CNTN4: variants seen among roughly 807,000 people sequenced by gnomAD.
The protein encoded by CNTN4 is contactin-4.
Under a neutral mutation model 122.5 loss-of-function variants are expected in CNTN4, and 77 were observed. The ratio of observed to expected loss-of-function variants is 0.63; its 90% CI spans 0.52 to 0.76. The LOEUF (loss-of-function observed/expected upper bound fraction) is 0.76. Ranked by LOEUF, CNTN4 falls within the 30% of genes least tolerant of loss-of-function variation. The pLI is 0.00. For synonymous variants in CNTN4, 512 were observed against 447.0 expected (o/e 1.15, Z -1.83); for missense variants, 1,256 against 1,259.1 (o/e 1.00, Z 0.04).
intron 4 of CNTN4, among the ~76,000 whole-genome samples, chr3:2,714,195 T>A (rs1449496688): frequency 6.6e-6 from 1 of 152,138 alleles, no homozygotes; most frequent in Non-Finnish European, 1.5e-5. Context: ...CACAACAATT[T>A]TTTTAAAAAA....
At chr3:2,939,440 A>G (rs2094594026) in intron 13 of CNTN4, among the ~76,000 whole-genome samples, 1 of 152,122 alleles carries the variant, frequency 6.6e-6, no homozygotes, top group Non-Finnish European at 1.5e-5. Context: ...TAGAATAAGT[A>G]ATATTTTGTA....
intron 4 of CNTN4, among the ~76,000 whole-genome samples, chr3:2,587,417 C>T (rs1254867849): frequency 6.6e-6 from 1 of 152,206 alleles, no homozygotes; most frequent in Non-Finnish European, 1.5e-5. Context: ...ATATTATTTG[C>T]ACACAAATGA....
At chr3:2,324,407 T>C (rs2043380181) in intron 2 of CNTN4, among the ~76,000 whole-genome samples, 2 of 152,206 alleles carry the variant, frequency 1.3e-5, no homozygotes, top group Non-Finnish European at 2.9e-5. Flanking sequence ...TTATGAGTTA[T>C]AACACTGTCG....
chr3:2,169,543 A>G (rs1023850982), intron 2 of CNTN4, among the ~76,000 whole-genome samples: 2 of 109,688 alleles, frequency 1.8e-5, no homozygotes, highest in African/African-American at 3.1e-5. Flanking sequence ...AGTAGCTGGG[A>G]CTACAGGCGC....
chr3:2,256,502 A>C (rs967027836), intron 2 of CNTN4, among the ~76,000 whole-genome samples: 10 of 152,184 alleles, frequency 6.6e-5, no homozygotes, highest in Non-Finnish European at 5.9e-5. Context: ...AGAAAATTTC[A>C]GGTCAGTATC....
At chr3:2,765,657 G>A (rs2090826065) in intron 6 of CNTN4, among the ~76,000 whole-genome samples, 1 of 152,092 alleles carries the variant, frequency 6.6e-6, no homozygotes, top group South Asian at 2.1e-4. Flanking sequence ...TAATACCTGT[G>A]AATAGCTGCA....
intron 4 of CNTN4, among the ~76,000 whole-genome samples, chr3:2,696,379 A>G (rs1421573565): frequency 2.6e-5 from 4 of 152,244 alleles, no homozygotes; most frequent in Admixed American, 6.5e-5. Flanking sequence ...TGTTTAAATC[A>G]TGAGGGCATC....
intron 11 of CNTN4, 73 bp downstream of exon 11, chr3:2,900,894 G>A (rs1278416936): frequency 1.5e-5 from 24 of 1,553,502 alleles, no homozygotes; most frequent in Admixed American, 6.7e-5. Context: ...CCGTGGAAAC[G>A]GGAGAATGGT....
At chr3:2,707,135 A>G (rs1252442067) in intron 4 of CNTN4, among the ~76,000 whole-genome samples, 7 of 151,974 alleles carry the variant, frequency 4.6e-5, no homozygotes, top group South Asian at 2.1e-4. Context: ...CTCCATCTCT[A>G]TAGAAAAAAA....
chr3:2,260,525 G>A (rs2040792997), intron 2 of CNTN4, among the ~76,000 whole-genome samples: 1 of 151,942 alleles, frequency 6.6e-6, no homozygotes, highest in Non-Finnish European at 1.5e-5. Context: ...GCAGCAGAAG[G>A]GAAAACAGGG....
chr3:2,255,571 G>T (rs1387807778), intron 2 of CNTN4, among the ~76,000 whole-genome samples: 1 of 152,108 alleles, frequency 6.6e-6, no homozygotes, highest in East Asian at 1.9e-4. Flanking sequence ...CAAAAGAACA[G>T]AAATATGACA....
At chr3:2,608,746 A>T (rs1020333104) in intron 4 of CNTN4, among the ~76,000 whole-genome samples, 1 of 152,220 alleles carries the variant, frequency 6.6e-6, no homozygotes, top group South Asian at 2.1e-4. Flanking sequence ...CTGGCCTCCC[A>T]GAGTCCTGGA....
intron 14 of CNTN4, among the ~76,000 whole-genome samples, chr3:2,991,622 C>T (rs1695059132): frequency 6.6e-6 from 1 of 152,068 alleles, no homozygotes; most frequent in Admixed American, 6.6e-5. Flanking sequence ...GAGGGGCCAT[C>T]CACAGTGCGA....
At chr3:2,859,196 A>G (rs1356193969) in intron 7 of CNTN4, among the ~76,000 whole-genome samples, 1 of 152,188 alleles carries the variant, frequency 6.6e-6, no homozygotes, top group East Asian at 1.9e-4. Context: ...ACTTTGCATA[A>G]TGTCCTCCAG....
chr3:2,682,630 A>G (rs1279101497), intron 4 of CNTN4, among the ~76,000 whole-genome samples: 1 of 152,138 alleles, frequency 6.6e-6, no homozygotes, highest in African/African-American at 2.4e-5. Context: ...TATATAGAAA[A>G]TGGAGAGTAG....
At chr3:2,156,253 A>T (rs558904921) in intron 2 of CNTN4, among the ~76,000 whole-genome samples, 4 of 152,272 alleles carry the variant, frequency 2.6e-5, no homozygotes, top group African/African-American at 7.2e-5. Flanking sequence ...TGTTTGTGGG[A>T]TTCAAAAAAC....
intron 3 of CNTN4, among the ~76,000 whole-genome samples, chr3:2,483,608 A>G (rs2076066679): frequency 6.6e-6 from 1 of 152,090 alleles, no homozygotes; most frequent in African/African-American, 2.4e-5. Flanking sequence ...TTGGGAGGTA[A>G]TTGATTCATG....
chr3:2,435,275 A>C (rs2048219714), intron 3 of CNTN4, among the ~76,000 whole-genome samples: 3 of 152,168 alleles, frequency 2.0e-5, no homozygotes, highest in Non-Finnish European at 1.5e-5. Context: ...ACATCCATGG[A>C]TGCTCAAGTC....
chr3:2,875,399 T>C (rs949700749), intron 8 of CNTN4, among the ~76,000 whole-genome samples: 23 of 152,256 alleles, frequency 1.5e-4, no homozygotes, highest in African/African-American at 5.5e-4. Context: ...GTAGTTCTAA[T>C]AATTTGTCTG....
Sources: allele counts gnomAD v4.1 joint callset (sites outside exome capture counted in the v4.1 genomes callset), GRCh38; gene constraint gnomAD v4.1.1; transcripts MANE v1.5; gene names NCBI Gene and HGNC (gene_info 2026-07-23, HGNC 2026-07-21).